The following ARFGEF3 variants were observed in gnomAD, a reference collection of about 807,000 sequenced individuals.
The protein encoded by ARFGEF3 is brefeldin A-inhibited guanine nucleotide-exchange protein 3.
A neutral mutation model predicts 221.7 loss-of-function variants in ARFGEF3; 96 were observed. The observed-to-expected ratio is 0.43, with a 90% CI of 0.37 to 0.51. The LOEUF (loss-of-function observed/expected upper bound fraction) is 0.51. ARFGEF3 is among the 20% of genes least tolerant of loss of function. The pLI, the probability that ARFGEF3 is intolerant of heterozygous loss-of-function variation, is 0.00. For missense variants in ARFGEF3, 2,410 were observed against 2,789.9 expected (o/e 0.86, Z 3.07); for synonymous variants, 1,145 against 1,126.8 (o/e 1.02, Z -0.32).
intron 2 of ARFGEF3, among the ~76,000 whole-genome samples, chr6:138,177,100 T>TTTATTTATA (rs1562343301): frequency 9.7e-6 from 1 of 103,120 alleles, no homozygotes; most frequent in African/African-American, 4.8e-5. Flanking sequence ...TTTATTTATA[T>TTTATTTATA]TTTTTTTGAG....
At chr6:138,195,304 A>G (rs1236154666) in intron 2 of ARFGEF3, among the ~76,000 whole-genome samples, 2 of 151,892 alleles carry the variant, frequency 1.3e-5, no homozygotes, top group Middle Eastern at 3.2e-3. Context: ...GCACCTGGCA[A>G]CCTTTTTCCT....
At chr6:138,319,399 CAT>C (rs1229362229) in intron 27 of ARFGEF3, among the ~76,000 whole-genome samples, 1 of 151,934 alleles carries the variant, frequency 6.6e-6, no homozygotes, top group Non-Finnish European at 1.5e-5. Flanking sequence ...CTTATACACA[CAT>C]GTGTATTTGT....
At chr6:138,238,474 C>T in intron 5 of ARFGEF3, 35 bp from the exon 6 acceptor site, 1 of 1,601,958 alleles carries the variant, frequency 6.2e-7, no homozygotes, top group Non-Finnish European at 8.5e-7. Context: ...CTGATACCTG[C>T]AGACATGTGT....
chr6:138,267,950 A>C (rs372406809), intron 12 of ARFGEF3, among the ~76,000 whole-genome samples: 1 of 152,170 alleles, frequency 6.6e-6, no homozygotes, highest in African/African-American at 2.4e-5. Flanking sequence ...TAGTGACATC[A>C]CAGTATTTTT....
chr6:138,206,038 C>T (rs1777619357), intron 2 of ARFGEF3, among the ~76,000 whole-genome samples: 1 of 152,164 alleles, frequency 6.6e-6, no homozygotes, highest in South Asian at 2.1e-4. Flanking sequence ...AATGTGGTAG[C>T]TTTCACACTC....
chr6:138,208,824 C>G (rs1457340016), intron 3 of ARFGEF3, among the ~76,000 whole-genome samples: 2 of 152,080 alleles, frequency 1.3e-5, no homozygotes, highest in Non-Finnish European at 2.9e-5. Context: ...CAAGTGAAAC[C>G]TTATCTGGTT....
chr6:138,243,906 G>T (rs563503886), intron 7 of ARFGEF3, among the ~76,000 whole-genome samples: 2 of 152,254 alleles, frequency 1.3e-5, no homozygotes, highest in South Asian at 4.2e-4. Context: ...GGACTGGAAG[G>T]TGCCCTTTTC....
intron 8 of ARFGEF3, among the ~76,000 whole-genome samples, chr6:138,251,295 T>G (rs1778578172): frequency 2.6e-5 from 4 of 152,236 alleles, no homozygotes; most frequent in Non-Finnish European, 5.9e-5. Context: ...TTTGTGATGC[T>G]AGACTGACAG....
At chr6:138,243,134 C>A in intron 7 of ARFGEF3, 140 bp downstream of exon 7, 1 of 704,252 alleles carries the variant, frequency 1.4e-6, no homozygotes, top group Non-Finnish European at 2.5e-6. Flanking sequence ...CTTGGCTTTG[C>A]CTTAGGTGGC....
chr6:138,325,346 T>C (rs77486380), intron 31 of ARFGEF3, among the ~76,000 whole-genome samples: 5,340 of 152,292 alleles, frequency 0.035, 136 homozygotes, highest in Middle Eastern at 0.075. Flanking sequence ...TCTGGCTTCT[T>C]TGGGGCTTTT....
At chr6:138,208,573 A>G (rs977010649) in intron 3 of ARFGEF3, among the ~76,000 whole-genome samples, 4 of 152,226 alleles carry the variant, frequency 2.6e-5, no homozygotes, top group African/African-American at 9.6e-5. Flanking sequence ...CAAATTGAAT[A>G]GGGATAAATA....
intron 17 of ARFGEF3, among the ~76,000 whole-genome samples, chr6:138,287,952 G>A (rs1287074774): frequency 4.6e-5 from 7 of 151,868 alleles, no homozygotes; most frequent in South Asian, 2.1e-4. Context: ...GATCCCCAGC[G>A]TTAACTGAAA....
At chr6:138,263,752 C>A in intron 12 of ARFGEF3, 141 bp downstream of exon 12, 1 of 778,292 alleles carries the variant, frequency 1.3e-6, no homozygotes, top group Non-Finnish European at 2.0e-6. Context: ...TTAAAGAGGG[C>A]GAAGAAATCT....
chr6:138,238,916 A>G (rs1489887312), intron 6 of ARFGEF3, among the ~76,000 whole-genome samples: 1 of 152,168 alleles, frequency 6.6e-6, no homozygotes, highest in Non-Finnish European at 1.5e-5. Flanking sequence ...GAAAATTTTT[A>G]TTAGAAACAT....
intron 26 of ARFGEF3, among the ~76,000 whole-genome samples, chr6:138,315,062 T>C (rs1050202620): frequency 4.6e-5 from 7 of 152,220 alleles, no homozygotes; most frequent in African/African-American, 1.7e-4. Flanking sequence ...GAAGTTCCAT[T>C]GGTGCCTAAG....
chr6:138,209,258 C>T (rs564022144), intron 3 of ARFGEF3, among the ~76,000 whole-genome samples: 1 of 152,094 alleles, frequency 6.6e-6, no homozygotes, highest in Non-Finnish European at 1.5e-5. Flanking sequence ...GACGAAGCCA[C>T]ATTTAGAAAG....
Position 138,291,044 on chromosome 6 carries a change from C to T in ARFGEF3, c.3048-689C>T, listed in dbSNP as rs1001815608. The stretch of plus-strand genomic sequence containing the variant: ...GTGGATTATCCATGATGCTCTTTAC[C>T]AGTAAACAGACTTACTCCGAGATGA... On this transcript the variant is annotated intron_variant, in intron 18 of 33. Transcript: ENST00000251691. This position sits in a 1 kb window ranked among gnomAD's most constrained non-coding sequence, Gnocchi z 4.5. Among the ~76,000 whole-genome samples, 3 of 152,238 alleles carry T rather than the reference C, an allele frequency of 2.0e-5. No homozygotes were observed. Among genetic ancestry groups the T allele is most frequent in the Admixed American group, 2.0e-4 (3 of 15,302 alleles).
chr6:138,267,561 G>T (rs1778921182), intron 12 of ARFGEF3, among the ~76,000 whole-genome samples: 1 of 152,188 alleles, frequency 6.6e-6, no homozygotes, highest in African/African-American at 2.4e-5. Flanking sequence ...TGTCACAGTG[G>T]TGAGGACTGA....
rs776477251 is a variant in ARFGEF3 at position 138,308,749 on chromosome 6, A to G, written c.3984A>G (p.Gln1328=). ...ATCTTCCTCCCTTAGGAAAAGGCCAAGCTCCAGTGTTTGATGTATTTGAAG... is the reference window on the plus strand; with the variant it reads ...ATCTTCCTCCCTTAGGAAAAGGCCAGGCTCCAGTGTTTGATGTATTTGAAG... ...LVGDYSMGKG[Q]APVFDVFEAF... The change falls in exon 24 of 34, where the codon CAA becomes CAG. Residue 1328 remains glutamine (Q), a synonymous_variant. Transcript: ENST00000251691. 9.3e-6 allele frequency: 15 copies of G among 1,613,998 alleles called. No homozygotes were observed. Among genetic ancestry groups the G allele is most frequent in the Non-Finnish European group, 1.3e-5 (15 of 1,179,860 alleles).
Sources: allele counts gnomAD v4.1 joint callset (sites outside exome capture counted in the v4.1 genomes callset), GRCh38; gene constraint gnomAD v4.1.1; non-coding constraint Gnocchi (gnomAD v3.1); transcripts MANE v1.5; gene names NCBI Gene and HGNC (gene_info 2026-07-23, HGNC 2026-07-21).